Variants in SP7 observed in about 807,000 individuals in gnomAD.
SP7 encodes Sp7 transcription factor.
Under a neutral mutation model 27.9 loss-of-function variants are expected in SP7, and 13 were observed. That is an observed-to-expected ratio of 0.47 (90% CI 0.30 to 0.74). SP7 has a LOEUF of 0.74. Ranked by LOEUF, SP7 falls within the 30% of genes least tolerant of loss-of-function variation. SP7 has a pLI of 0.06. For synonymous variants in SP7, 219 were observed against 226.7 expected (o/e 0.97, Z 0.31); for missense variants, 525 against 558.0 (o/e 0.94, Z 0.60).
chr12:53,341,563 T>A (rs1047804391), intron 1 of SP7, among the ~76,000 whole-genome samples: 13 of 152,168 alleles, frequency 8.5e-5, no homozygotes, highest in African/African-American at 3.1e-4. Flanking sequence ...ACTAGTGTCT[T>A]TCATAAGAAG....
At chr12:53,334,515 C>T (rs1246802599) in intron 2 of SP7, among the ~76,000 whole-genome samples, 4 of 152,210 alleles carry the variant, frequency 2.6e-5, no homozygotes, top group Non-Finnish European at 5.9e-5. Flanking sequence ...CTGTTTGGCC[C>T]AGCACCCCTG....
Position 53,328,636 on chromosome 12 carries a change from G to A in SP7, c.806C>T (p.Ser269Phe). 6.2e-7 allele frequency: 1 copy of A among 1,610,152 alleles called. No individual in the cohort carries two copies. Among genetic ancestry groups the A allele is most frequent in the Non-Finnish European group, 8.5e-7 (1 of 1,177,132 alleles). The change falls in exon 3 of 3, where the codon TCC (serine) becomes TTC (phenylalanine). Residue 269 changes from serine to phenylalanine, a missense_variant. Coordinates refer to ENST00000536324, the MANE Select transcript of SP7 (RefSeq NM_001173467.3). This position sits in a 1 kb window ranked among gnomAD's most constrained non-coding sequence, Gnocchi z 5.1. ...GYGGSGAGRSSCDCPNCQELE... is the reference protein window; with the variant it reads ...GYGGSGAGRSFCDCPNCQELE... The stretch of plus-strand genomic sequence containing the variant: ...CTCCTGGCAATTAGGGCAGTCGCAG[G>A]AGGAGCGCCCTGCCCCACTGCCCCC...
In SP7 at chr12:53,327,681, T is replaced by C. The variant is rs1030775948; in HGVS notation, c.*465A>G. 6 of 160,278 alleles carry C rather than the reference T, an allele frequency of 3.7e-5. No individual in the cohort carries two copies. Among genetic ancestry groups the C allele is most frequent in the Admixed American group, 3.0e-4 (5 of 16,476 alleles). The allele number at this position is 160,278 out of a possible 1,614,324, so 9.9% of individuals were successfully genotyped here. On this transcript the variant is annotated 3_prime_UTR_variant, in exon 3 of 3. Coordinates refer to ENST00000536324, the MANE Select transcript of SP7 (RefSeq NM_001173467.3). Reference sequence around the variant, plus strand: ...AGGGGGCAATAAATTATCATTATCATTGTGTTTGTAAAAAGGAAAAAAGAG... The same window carrying C: ...AGGGGGCAATAAATTATCATTATCACTGTGTTTGTAAAAAGGAAAAAAGAG...
At chr12:53,340,028 A>T (rs1240006090), upstream of SP7, among the ~76,000 whole-genome samples, 1 of 152,168 alleles carries the variant, frequency 6.6e-6, no homozygotes, top group South Asian at 2.1e-4. Context: ...ACTTGCACAC[A>T]CACAAGGTGA....
intron 2 of SP7, among the ~76,000 whole-genome samples, chr12:53,335,377 T>C (rs940277084): frequency 2.7e-5 from 4 of 150,842 alleles, no homozygotes; most frequent in East Asian, 2.0e-4. Context: ...GGTCCATGCC[T>C]TCTTCTGACC....
intron 1 of SP7, among the ~76,000 whole-genome samples, chr12:53,342,780 A>G (rs1210492058): frequency 6.6e-6 from 1 of 152,132 alleles, no homozygotes; most frequent in East Asian, 1.9e-4. Context: ...GTGCCACTGC[A>G]TCCCAGCCTA....
At chr12:53,343,069 G>A (rs576603007) in intron 1 of SP7, among the ~76,000 whole-genome samples, 1 of 151,658 alleles carries the variant, frequency 6.6e-6, no homozygotes, top group South Asian at 2.1e-4. Flanking sequence ...GCTGAGGTGG[G>A]TGGATCACTT....
At chr12:53,329,895 C>A (rs747389470) in intron 2 of SP7, among the ~76,000 whole-genome samples, 2 of 151,788 alleles carry the variant, frequency 1.3e-5, no homozygotes, top group African/African-American at 4.8e-5. Flanking sequence ...CCACACCTGG[C>A]TAATTTTTTT....
intron 2 of SP7, 77 bp from the exon 3 acceptor site, chr12:53,329,497 A>G: frequency 8.1e-7 from 1 of 1,239,218 alleles, no homozygotes; most frequent in South Asian, 1.3e-5. Context: ...TAGGACTGAG[A>G]CCTAGAGACA....
At position 53,328,700 on chromosome 12, in the gene SP7, G is replaced by A; in HGVS notation, c.742C>T (p.Pro248Ser). ...GQLEGSGGAK[P>S]PRGASTGGSG... Reference sequence around the variant, plus strand: ...CCCCCAGTGCTTGCACCCCGTGGGGGTTTGGCTCCACCACTCCCTTCTAGC... The same window carrying A: ...CCCCCAGTGCTTGCACCCCGTGGGGATTTGGCTCCACCACTCCCTTCTAGC... The change falls in exon 3 of 3, where the codon CCC (proline) becomes TCC (serine). Residue 248 changes from proline (P) to serine (S), a missense_variant. Physicochemically the swap from Pro to Ser is moderately conservative, Grantham distance 74. Coordinates refer to ENST00000536324, the MANE Select transcript of SP7 (RefSeq NM_001173467.3). This position sits in a 1 kb window ranked among gnomAD's most constrained non-coding sequence, Gnocchi z 5.1. The A allele has an allele frequency of 6.2e-7, 1 of 1,606,130 alleles. No individual in the cohort carries two copies. The highest frequency in any genetic ancestry group is 8.5e-7 in the Non-Finnish European group (1 of 1,174,452).
intron 2 of SP7, 88 bp from the exon 3 acceptor site, chr12:53,329,508 T>C: frequency 8.8e-7 from 1 of 1,136,856 alleles, no homozygotes; most frequent in Admixed American, 2.1e-5. Context: ...CCTAGAGACA[T>C]CCACAACAGA....
At chr12:53,338,386 A>G (rs77982741), upstream of SP7, among the ~76,000 whole-genome samples, 283 of 152,312 alleles carry the variant, frequency 1.9e-3, no homozygotes, top group African/African-American at 6.5e-3. Flanking sequence ...TATCACCAGC[A>G]GAAAAGCCCG....
chr12:53,335,709 G>C lies in SP7; in HGVS notation c.-47-16C>G, dbSNP rs905993410. On this transcript the variant is annotated splice_polypyrimidine_tract_variant and intron_variant, in intron 1 of 2. Transcript: ENST00000536324. ...ATGGAGAGAGCTGAGCCGGGGGGTG[G>C]GGGGGGTAGAGAGAGAAAAGGGAGA... 2 of 1,396,980 alleles carry C rather than the reference G, an allele frequency of 1.4e-6. No homozygotes were observed. Among genetic ancestry groups the C allele is most frequent in the East Asian group, 5.8e-5 (2 of 34,288 alleles). The allele number at this position is 1,396,980 out of a possible 1,614,324, so 86.5% of individuals were successfully genotyped here.
At chr12:53,332,933 G>C (rs1292144589) in intron 2 of SP7, among the ~76,000 whole-genome samples, 2 of 151,492 alleles carry the variant, frequency 1.3e-5, no homozygotes, top group Admixed American at 1.3e-4. Context: ...GCCGTCCCCC[G>C]CCCGGCCCTC....
chr12:53,337,265 G>T (rs750050368), upstream of SP7, among the ~76,000 whole-genome samples: 1 of 152,178 alleles, frequency 6.6e-6, no homozygotes, highest in Non-Finnish European at 1.5e-5. Context: ...TCATTGCCAT[G>T]CATCAATTCC....
chr12:53,328,603 C>T lies in SP7; in HGVS notation c.839G>A (p.Arg280Gln), dbSNP rs200582631. Residue 280 changes from arginine to glutamine, a missense_variant, in exon 3 of 3, where the codon CGG (arginine) becomes CAG (glutamine). Physicochemically the swap from Arg to Gln is conservative, Grantham distance 43 (BLOSUM62 1). Transcript: ENST00000536324. The surrounding 1 kb of genome is among the most constrained non-coding windows in gnomAD (Gnocchi z 5.1). ...CDCPNCQELERLGAAAAGLRK... is the reference protein window; with the variant it reads ...CDCPNCQELEQLGAAAAGLRK... ...CAGCCCAGCCGCTGCTGCTCCCAGCCGCTCTAGCTCCTGGCAATTAGGGCA... is the reference window on the plus strand; with the variant it reads ...CAGCCCAGCCGCTGCTGCTCCCAGCTGCTCTAGCTCCTGGCAATTAGGGCA... 17 of 1,609,118 alleles carry T rather than the reference C, an allele frequency of 1.1e-5. No homozygotes were observed. The highest frequency in any genetic ancestry group is 8.0e-5 in the African/African-American group (6 of 74,948).
chr12:53,336,742 G>A (rs753197869), upstream of SP7, among the ~76,000 whole-genome samples: 6 of 151,470 alleles, frequency 4.0e-5, no homozygotes, highest in South Asian at 2.1e-4. Context: ...GTGTGTGTAC[G>A]TGCCCGTGTG....
chr12:53,333,332 C>T (rs996300696), intron 2 of SP7, among the ~76,000 whole-genome samples: 4 of 152,168 alleles, frequency 2.6e-5, no homozygotes, highest in Non-Finnish European at 5.9e-5. Flanking sequence ...CTCCACCCCA[C>T]CACCCTTAAA....
chr12:53,330,161 G>T (rs933215618), intron 2 of SP7, among the ~76,000 whole-genome samples: 25 of 152,218 alleles, frequency 1.6e-4, no homozygotes, highest in African/African-American at 6.0e-4. Flanking sequence ...CAATTCTCCT[G>T]CCTCAGCCTC....
Sources: gnomAD v4.1 joint callset for allele counts (sites outside exome capture counted in the v4.1 genomes callset) on GRCh38, gnomAD v4.1.1 for gene constraint, Gnocchi (gnomAD v3.1) non-coding constraint, MANE v1.5 for transcripts, NCBI Gene and HGNC (gene_info 2026-07-23, HGNC 2026-07-21) for gene names.